Variants in PCDHGC4 observed in about 807,000 individuals in gnomAD.
PCDHGC4 encodes protocadherin gamma-C4.
In PCDHGC4, 15 loss-of-function variants were observed where a neutral mutation model predicts 59.7. The ratio of observed to expected loss-of-function variants is 0.25; its 90% confidence interval spans 0.17 to 0.39. PCDHGC4 has a LOEUF of 0.39. Among genes scored for constraint, PCDHGC4 ranks in the 10% least tolerant of loss-of-function variants. The pLI, the probability that PCDHGC4 is intolerant of heterozygous loss-of-function variation, is 1.00. For synonymous variants in PCDHGC4, 434 were observed against 481.4 expected, an observed-to-expected ratio of 0.90 and a Z score of 1.29; for missense variants, 1,016 against 1,189.5, an observed-to-expected ratio of 0.85 and a Z score of 2.15.
intron 2 of PCDHGC4, among the ~76,000 whole-genome samples, chr5:141,499,370 AT>A (rs932083472): frequency 2.0e-5 from 3 of 152,170 alleles, no homozygotes. Context: ...TAGCAACTTA[AT>A]TTTTTTCCAC....
At chr5:141,494,999 G>T in intron 2 of PCDHGC4, 134 bp downstream of exon 2, 1 of 1,531,046 alleles carries the variant, frequency 6.5e-7, no homozygotes, top group Non-Finnish European at 8.8e-7. Context: ...GGGAGGTCTT[G>T]GTGTGCGGGG....
intron 2 of PCDHGC4, among the ~76,000 whole-genome samples, chr5:141,505,026 G>A (rs190826538): frequency 4.6e-5 from 7 of 152,316 alleles, no homozygotes; most frequent in African/African-American, 1.7e-4. Context: ...GCCTGGCACA[G>A]TGGCAGGTGC....
Position 141,485,666 on chromosome 5 carries a change from A to C in PCDHGC4, c.493A>C (p.Asn165His). 1.2e-6 allele frequency: 2 copies of C among 1,612,786 alleles called. No homozygotes were observed. Among genetic ancestry groups the C allele is most frequent in the Non-Finnish European group, 1.7e-6 (2 of 1,178,960 alleles). ...GGCTCAGGATGCAGATGTGGGGAGCAATTCGATTAGCAGCTATAGGCTGAG... is the reference window on the plus strand; with the variant it reads ...GGCTCAGGATGCAGATGTGGGGAGCCATTCGATTAGCAGCTATAGGCTGAG... The part of the protein sequence containing the change: ...EKAQDADVGS[N>H]SISSYRLSSN... The change falls in exon 1 of 4, where the codon AAT (asparagine) becomes CAT (histidine). Residue 165 changes from asparagine to histidine, a missense_variant. Asn to His is a moderately conservative substitution (Grantham distance 68). Transcript: ENST00000306593. This position sits in a 1 kb window ranked among gnomAD's most constrained non-coding sequence, Gnocchi z 5.7.
At position 141,487,370 on chromosome 5, in the gene PCDHGC4, T is replaced by C; in HGVS notation, c.2197T>C (p.Cys733Arg). 6.2e-7 allele frequency: 1 copy of C among 1,614,232 alleles called. No individual in the cohort carries two copies. Among genetic ancestry groups the C allele is most frequent in the South Asian group, 1.1e-5 (1 of 91,080 alleles). Residue 733 changes from cysteine to arginine, a missense_variant, in exon 1 of 4, where the codon TGT becomes CGT. By Grantham distance (180) the Cys-to-Arg change is radical. Transcript: ENST00000306593. The surrounding 1 kb of genome is among the most constrained non-coding windows in gnomAD (Gnocchi z 5.0). ...VTCFPAGTCA[C>R]LTRSRRREGL... ...ATGCTTTCCTGCTGGCACCTGTGCC[T>C]GTCTCACCAGATCTCGAAGGAGGGA... is the stretch of plus-strand genomic sequence containing the variant.
At chr5:141,510,286 A>G (rs1011677966) in intron 3 of PCDHGC4, among the ~76,000 whole-genome samples, 1 of 151,770 alleles carries the variant, frequency 6.6e-6, no homozygotes, top group African/African-American at 2.4e-5. Flanking sequence ...AAAAAAAAAA[A>G]AAAAATGCTG....
rs1422052114 is a variant in PCDHGC4, at chr5:141,511,168, A to T, written c.2812A>T (p.Lys938Ter). The change falls in exon 4 of 4, where the codon AAG (lysine) becomes TAG (stop). Residue 938 changes from lysine to a stop codon, truncating the protein, a stop_gained. Coordinates refer to ENST00000306593, the MANE Select transcript of PCDHGC4 (RefSeq NM_018928.3). LOFTEE classifies it high-confidence loss of function. ...GAAGAAGTCGGGCAAGAAGGAGAAG[A>T]AGTAACATGGAGGCCAGGCCAAGAG... is the stretch of plus-strand genomic sequence containing the variant. The part of the protein sequence containing the change: ...NKKKSGKKEK[K>*] 1.4e-5 allele frequency: 22 copies of T among 1,614,038 alleles called. No individual in the cohort carries two copies. The highest frequency in any genetic ancestry group is 1.7e-5 in the Non-Finnish European group (20 of 1,180,008).
intron 1 of PCDHGC4, among the ~76,000 whole-genome samples, chr5:141,488,417 C>T (rs2099675171): frequency 6.6e-6 from 1 of 152,224 alleles, no homozygotes; most frequent in Non-Finnish European, 1.5e-5. Context: ...GCCAAGCCAT[C>T]CATGCTTGGC....
intron 3 of PCDHGC4, among the ~76,000 whole-genome samples, chr5:141,505,720 G>A (rs1251781594): frequency 2.2e-4 from 34 of 152,212 alleles, no homozygotes; most frequent in Non-Finnish European, 2.9e-5. Context: ...GACTCATGGA[G>A]GGAATAGTGG....
chr5:141,508,627 C>T (rs566012494), intron 3 of PCDHGC4, among the ~76,000 whole-genome samples: 1 of 152,262 alleles, frequency 6.6e-6, no homozygotes, highest in South Asian at 2.1e-4. Flanking sequence ...GTGGGCCGAG[C>T]TTCTAGCTAC....
chr5:141,511,140 C>T lies in PCDHGC4; in HGVS notation c.2784C>T (p.Asn928=). Reference sequence around the variant, plus strand: ...AGGCCCCAGCAGGTGGCAATGGCAACAAGAAGAAGTCGGGCAAGAAGGAGA... The same window carrying T: ...AGGCCCCAGCAGGTGGCAATGGCAATAAGAAGAAGTCGGGCAAGAAGGAGA... ...DGKAPAGGNG[N]KKKSGKKEKK is the part of the protein sequence containing the mutation. Residue 928 remains asparagine (N), a synonymous_variant, in exon 4 of 4, where the codon AAC becomes AAT. Transcript: ENST00000306593. The T allele has an allele frequency of 1.2e-6, 2 of 1,614,186 alleles. No homozygotes were observed. The highest frequency in any genetic ancestry group is 1.3e-5 in the African/African-American group (1 of 75,050).
At chr5:141,498,967 GGGAGGGAAGGAAGGAAGGAA>G (rs1464205074) in intron 2 of PCDHGC4, among the ~76,000 whole-genome samples, 5 of 129,584 alleles carry the variant, frequency 3.9e-5, no homozygotes, top group African/African-American at 1.6e-4. Flanking sequence ...GAGGGAGGGA[GGGAGGGAAGGAAGGAAGGAA>G]GGAAGGAAGG....
chr5:141,491,861 C>A lies in PCDHGC4; in HGVS notation c.2443-2946C>A. ...GGATCATTGGACCGTTTGCGCGAAA[C>A]CAGAGTGGCCGATTAAGGGATGGGG... On this transcript the variant is annotated intron_variant, in intron 1 of 3. Transcript: ENST00000306593. The surrounding 1 kb of genome is among the most constrained non-coding windows in gnomAD (Gnocchi z 6.9). 6.9e-7 allele frequency: 1 copy of A among 1,455,272 alleles called. No homozygotes were observed. The highest frequency in any genetic ancestry group is 9.1e-7 in the Non-Finnish European group (1 of 1,100,930). The allele number at this position is 1,455,272 out of a possible 1,614,324, so 90.1% of individuals were successfully genotyped here.
chr5:141,492,719 C>A (rs1367632029), intron 1 of PCDHGC4, among the ~76,000 whole-genome samples: 1 of 152,280 alleles, frequency 6.6e-6, no homozygotes, highest in Non-Finnish European at 1.5e-5. Context: ...AGCAGGCGGA[C>A]AGGCAGAGCT....
chr5:141,485,632 G>T lies in PCDHGC4; in HGVS notation c.459G>T (p.Pro153=). The T allele has an allele frequency of 6.2e-7, 1 of 1,611,766 alleles. No homozygotes were observed. Among genetic ancestry groups the T allele is most frequent in the Non-Finnish European group, 8.5e-7 (1 of 1,178,342 alleles). The stretch of plus-strand genomic sequence containing the variant: ...CAGCTCCTCCAGGACAGCGTTTCCC[G>T]TTGGAAAAGGCTCAGGATGCAGATG... ...GEAAPPGQRF[P]LEKAQDADVG... is the part of the protein sequence containing the mutation. The change falls in exon 1 of 4, where the codon CCG becomes CCT. Residue 153 remains proline, a synonymous_variant. Coordinates refer to ENST00000306593, the MANE Select transcript of PCDHGC4 (RefSeq NM_018928.3). This position sits in a 1 kb window ranked among gnomAD's most constrained non-coding sequence, Gnocchi z 5.7.
At position 141,508,670 on chromosome 5, in the gene PCDHGC4, C is replaced by A. The variant is rs184838473; in HGVS notation, c.2591-2277C>A. The stretch of plus-strand genomic sequence containing the variant: ...GGCCCTTCCTGTCATTCTGTCTCTG[C>A]CTCCCTTCTCCCTGCTTCTCCGTGT... On this transcript the variant is annotated intron_variant, in intron 3 of 3. Coordinates refer to ENST00000306593, the MANE Select transcript of PCDHGC4 (RefSeq NM_018928.3). Among the ~76,000 whole-genome samples the A allele has an allele frequency of 3.7e-3, 564 of 152,202 alleles. 5 individuals are homozygous for A. The highest frequency in any genetic ancestry group is 0.011 in the Admixed American group (164 of 15,294).
At position 141,491,369 on chromosome 5, in the gene PCDHGC4, CCTTT is replaced by C; in HGVS notation, c.2443-3435_2443-3432del. ...AGTCTCTTATCCCTAGTCACCTTCACCTTTCTGTCAGCGAAGTGCCTTCAGGGAA... is the reference window on the plus strand; with the variant it reads ...AGTCTCTTATCCCTAGTCACCTTCACCTGTCAGCGAAGTGCCTTCAGGGAA... On this transcript the variant is annotated intron_variant, in intron 1 of 3. Transcript: ENST00000306593. The surrounding 1 kb of genome is among the most constrained non-coding windows in gnomAD (Gnocchi z 6.9). 1 of 1,614,110 alleles carries C rather than the reference CCTTT, an allele frequency of 6.2e-7. No individual in the cohort carries two copies. Among genetic ancestry groups the C allele is most frequent in the Non-Finnish European group, 8.5e-7 (1 of 1,179,996 alleles).
At position 141,489,924 on chromosome 5, in the gene PCDHGC4, C is replaced by G. The variant is rs755286650; in HGVS notation, c.2442+2309C>G. ...CAGCCCGCTCAGGGACCACCCTTAT[C>G]TCTGTCATCGTGCTGGACATCAATG... is the stretch of plus-strand genomic sequence containing the variant. On this transcript the variant is annotated intron_variant, in intron 1 of 3. Transcript: ENST00000306593. This position sits in a 1 kb window ranked among gnomAD's most constrained non-coding sequence, Gnocchi z 4.5. 22 of 1,614,226 alleles carry G rather than the reference C, an allele frequency of 1.4e-5. No homozygotes were observed. The highest frequency in any genetic ancestry group is 1.9e-5 in the Non-Finnish European group (22 of 1,180,030).
At position 141,491,891 on chromosome 5, in the gene PCDHGC4, G is replaced by T. The variant is rs1487484740; in HGVS notation, c.2443-2916G>T. On this transcript the variant is annotated intron_variant, in intron 1 of 3. Coordinates refer to ENST00000306593, the MANE Select transcript of PCDHGC4 (RefSeq NM_018928.3). This position sits in a 1 kb window ranked among gnomAD's most constrained non-coding sequence, Gnocchi z 6.9. ...GTGGCCGATTAAGGGATGGGGCTCC[G>T]AGCACCGGGGGTGGTGGCGACTGTG... 19 of 1,439,438 alleles carry T rather than the reference G, an allele frequency of 1.3e-5. No homozygotes were observed. The East Asian group carries it at 4.8e-4, about 36-fold the overall frequency. 89.2% of individuals were successfully genotyped at this position (1,439,438 alleles called of 1,614,324 possible). A position where few individuals can be genotyped will look rare whatever the true frequency, so the allele number is the denominator to read the frequency against.
At chr5:141,495,613 G>A (rs1230710705) in intron 2 of PCDHGC4, among the ~76,000 whole-genome samples, 2 of 152,068 alleles carry the variant, frequency 1.3e-5, no homozygotes, top group Non-Finnish European at 2.9e-5. Flanking sequence ...CTTGATTGCT[G>A]CACCTCAGCC....
Sources: allele counts gnomAD v4.1 joint callset (sites outside exome capture counted in the v4.1 genomes callset), GRCh38; gene constraint gnomAD v4.1.1; non-coding constraint Gnocchi (gnomAD v3.1); transcripts MANE v1.5; gene names NCBI Gene and HGNC (gene_info 2026-07-23, HGNC 2026-07-21).